APLNR: variants seen among roughly 807,000 people sequenced by gnomAD.
The protein encoded by APLNR is APJ (apelin) receptor.
Under a neutral mutation model 23.4 loss-of-function variants are expected in APLNR, and 13 were observed. That is an observed-to-expected ratio of 0.56 (90% CI 0.36 to 0.88). APLNR has a LOEUF of 0.88. APLNR is among the 40% of genes least tolerant of loss of function. The pLI is 0.01. For synonymous variants in APLNR, 234 were observed against 211.9 expected (o/e 1.10, Z -0.91); for missense variants, 480 against 517.1 (o/e 0.93, Z 0.70).
chr11:57,235,478 A>T lies in APLNR; in HGVS notation c.*384T>A, dbSNP rs1854995713. ...GCAGCTGCAGAGAGTGGTGGGGGAA[A>T]AACTACAAGGAAAGAAGGGAGGAAA... is the stretch of plus-strand genomic sequence containing the variant. On this transcript the variant is annotated 3_prime_UTR_variant, in exon 1 of 1. Transcript: ENST00000606794. 1 of 168,048 alleles carries T rather than the reference A, an allele frequency of 6.0e-6. No individual in the cohort carries two copies. The highest frequency in any genetic ancestry group is 1.3e-5 in the Non-Finnish European group (1 of 79,098). 10.4% of individuals were successfully genotyped at this position (168,048 alleles called of 1,614,324 possible).
rs752254107 is a variant in APLNR, at chr11:57,236,641, C to T, written c.364G>A (p.Gly122Ser). 7.5e-6 allele frequency: 12 copies of T among 1,608,108 alleles called. No homozygotes were observed. Among genetic ancestry groups the T allele is most frequent in the Admixed American group, 3.4e-5 (2 of 59,466 alleles). ...GCCAGGTAGCGGTCGAAGCTGAGGC[C>T]GGTGAGGCAGAAGACGCTGGCGTAC... is the stretch of plus-strand genomic sequence containing the variant. ...NMYASVFCLT[G>S]LSFDRYLAIV... is the part of the protein sequence containing the mutation. Residue 122 changes from glycine (G) to serine (S), a missense_variant, in exon 1 of 1, where the codon GGC becomes AGC. By Grantham distance (56) the Gly-to-Ser change is moderately conservative. Transcript: ENST00000606794.
chr11:57,235,997 G>C lies in APLNR; in HGVS notation c.1008C>G (p.His336Gln). 6.2e-7 allele frequency: 1 copy of C among 1,614,280 alleles called. No individual in the cohort carries two copies. Among genetic ancestry groups the C allele is most frequent in the South Asian group, 1.1e-5 (1 of 91,092 alleles). ...TGGCTGACTTCTCCCCACTGCTGCT[G>C]TGGGAGGTGCCTGCGCACCTGCTCT... ...CGQSRCAGTS[H>Q]SSSGEKSASY... The change falls in exon 1 of 1, where the codon CAC becomes CAG. Residue 336 changes from histidine to glutamine, a missense_variant. His to Gln is a conservative substitution (Grantham distance 24). Transcript: ENST00000606794.
At position 57,236,880 on chromosome 11, in the gene APLNR, C is replaced by T; in HGVS notation, c.125G>A (p.Gly42Asp). 1.2e-6 allele frequency: 2 copies of T among 1,614,192 alleles called. No individual in the cohort carries two copies. Among genetic ancestry groups the T allele is most frequent in the Non-Finnish European group, 1.7e-6 (2 of 1,180,024 alleles). Residue 42 changes from glycine to aspartate, a missense_variant, in exon 1 of 1, where the codon GGC (glycine) becomes GAC (aspartate). Coordinates refer to ENST00000606794, the MANE Select transcript of APLNR (RefSeq NM_005161.6). The stretch of plus-strand genomic sequence containing the variant: ...GAGCACCAGACCGTTGCCCGTGGTG[C>T]CCAGGAGGAAGACCAACATGTAGAT... ...PAIYMLVFLL[G>D]TTGNGLVLWT...
Position 57,237,085 on chromosome 11 carries a change from T to A in APLNR, c.-81A>T. On this transcript the variant is annotated 5_prime_UTR_variant, in exon 1 of 1. Coordinates refer to ENST00000606794, the MANE Select transcript of APLNR (RefSeq NM_005161.6). ...TCTGTCACCCACTCTGCAAGCAGCC[T>A]GAATTTCTGGCTTGAGCCTCAGAGA... The A allele has an allele frequency of 7.0e-7, 1 of 1,427,944 alleles. No individual in the cohort carries two copies. The highest frequency in any genetic ancestry group is 9.5e-7 in the Non-Finnish European group (1 of 1,057,932). 88.5% of individuals were successfully genotyped at this position (1,427,944 alleles called of 1,614,324 possible).
rs376524097 is a variant in APLNR at position 57,235,943 on chromosome 11, G to A, written c.1062C>T (p.Pro354=). The change falls in exon 1 of 1, where the codon CCC becomes CCT. Residue 354 remains proline, a synonymous_variant. Transcript: ENST00000606794. ...CTCCACCCTTGCCCATGTTGGGGCC[G>A]GGCCCCTGGCTGTGCCCCGAAGAGT... is the stretch of plus-strand genomic sequence containing the variant. ...ASYSSGHSQG[P]GPNMGKGGEQ... 1.4e-4 allele frequency: 219 copies of A among 1,614,134 alleles called. No individual in the cohort carries two copies. The highest frequency in any genetic ancestry group is 1.8e-4 in the Non-Finnish European group (209 of 1,180,044).
chr11:57,236,010 G>C lies in APLNR; in HGVS notation c.995C>G (p.Ala332Gly). 1 of 1,614,272 alleles carries C rather than the reference G, an allele frequency of 6.2e-7. No individual in the cohort carries two copies. Among genetic ancestry groups the C allele is most frequent in the South Asian group, 1.1e-5 (1 of 91,086 alleles). Residue 332 changes from alanine to glycine, a missense_variant, in exon 1 of 1, where the codon GCA (alanine) becomes GGA (glycine). By Grantham distance (60) the Ala-to-Gly change is moderately conservative. Coordinates refer to ENST00000606794, the MANE Select transcript of APLNR (RefSeq NM_005161.6). The part of the protein sequence containing the change: ...SMLCCGQSRC[A>G]GTSHSSSGEK... Reference sequence around the variant, plus strand: ...CCCACTGCTGCTGTGGGAGGTGCCTGCGCACCTGCTCTGGCCACAGCAGAG... The same window carrying C: ...CCCACTGCTGCTGTGGGAGGTGCCTCCGCACCTGCTCTGGCCACAGCAGAG...
rs147023435 is a variant in APLNR, at chr11:57,235,836, C to T, written c.*26G>A. Reference sequence around the variant, plus strand: ...GGCAAAGGCCGGGGAGGGCCGAGGGCGCCAGGCTTCTCTCTGCTCCCAGCC... The same window carrying T: ...GGCAAAGGCCGGGGAGGGCCGAGGGTGCCAGGCTTCTCTCTGCTCCCAGCC... On this transcript the variant is annotated 3_prime_UTR_variant, in exon 1 of 1. Coordinates refer to ENST00000606794, the MANE Select transcript of APLNR (RefSeq NM_005161.6). The T allele has an allele frequency of 4.0e-4, 629 of 1,569,720 alleles. No homozygotes were observed. The African/African-American group carries it at 4.0e-3, about 10-fold the overall frequency.
rs1458114226 is a variant in APLNR at position 57,236,586 on chromosome 11, A to G, written c.419T>C (p.Leu140Pro). ...CACGGCCCCGCTGACCCGCAGCCTC[A>G]GCCGAGCATTGGCCACTGGCCTCAC... ...AIVRPVANARLRLRVSGAVAT... is the reference protein window; with the variant it reads ...AIVRPVANARPRLRVSGAVAT... The change falls in exon 1 of 1, where the codon CTG becomes CCG. Residue 140 changes from leucine to proline, a missense_variant. Leu to Pro is a moderately conservative substitution (Grantham distance 98). Coordinates refer to ENST00000606794, the MANE Select transcript of APLNR (RefSeq NM_005161.6). The G allele has an allele frequency of 6.2e-7, 1 of 1,612,804 alleles. No homozygotes were observed. Among genetic ancestry groups the G allele is most frequent in the South Asian group, 1.1e-5 (1 of 90,992 alleles).
rs1444986763 is a variant in APLNR, at chr11:57,235,477, A to AAAAC, written c.*381_*384dup. ...GGCAGCTGCAGAGAGTGGTGGGGGA[A>AAAAC]AAACTACAAGGAAAGAAGGGAGGAA... On this transcript the variant is annotated 3_prime_UTR_variant, in exon 1 of 1. Transcript: ENST00000606794. The AAAAC allele has an allele frequency of 6.0e-6, 1 of 167,408 alleles. No homozygotes were observed. Among genetic ancestry groups the AAAAC allele is most frequent in the Non-Finnish European group, 1.3e-5 (1 of 78,602 alleles). 10.4% of individuals were successfully genotyped at this position (167,408 alleles called of 1,614,324 possible). A position where few individuals can be genotyped will look rare whatever the true frequency, so the allele number is the denominator to read the frequency against.
rs574473639 is a variant in APLNR, at chr11:57,235,641, T to C, written c.*221A>G. ...GAAACTGAGGCTGAGTGAGATTAAA[T>C]GGCTTGTGCAGGGTCAGGTCTGTAG... On this transcript the variant is annotated 3_prime_UTR_variant, in exon 1 of 1. Transcript: ENST00000606794. 2.1e-3 allele frequency: 1,042 copies of C among 507,820 alleles called. 4 individuals carry two copies. The highest frequency in any genetic ancestry group is 2.4e-3 in the Non-Finnish European group (711 of 294,316). 31.5% of individuals were successfully genotyped at this position (507,820 alleles called of 1,614,324 possible).
In APLNR at chr11:57,236,459, GT is replaced by G; in HGVS notation, c.545del (p.Tyr182SerfsTer10). 2 of 1,614,226 alleles carry G rather than the reference GT, an allele frequency of 1.2e-6. No individual in the cohort carries two copies. The highest frequency in any genetic ancestry group is 1.7e-6 in the Non-Finnish European group (2 of 1,180,026). ...CAGTGGCCACCATGGAGTAGTCCATGTAGCACTGCACCTTAGTGGTGTTCTC... is the reference window on the plus strand; with the variant it reads ...CAGTGGCCACCATGGAGTAGTCCATGAGCACTGCACCTTAGTGGTGTTCTC... Reference protein sequence around the residue: ...DLENTTKVQCYMDYSMVATVS... With the variant: ...DLENTTKVQCXMDYSMVATVS... On this transcript the variant is annotated frameshift_variant, in exon 1 of 1. Transcript: ENST00000606794. LOFTEE classifies it high-confidence loss of function.
In APLNR at chr11:57,236,609, C is replaced by T. The variant is rs1040676482; in HGVS notation, c.396G>A (p.Val132=). The T allele has an allele frequency of 1.2e-6, 2 of 1,610,978 alleles. No individual in the cohort carries two copies. Among genetic ancestry groups the T allele is most frequent in the Non-Finnish European group, 1.7e-6 (2 of 1,179,254 alleles). The change falls in exon 1 of 1, where the codon GTG becomes GTA. Residue 132 remains valine, a synonymous_variant. Transcript: ENST00000606794. ...GLSFDRYLAI[V]RPVANARLRL... is the part of the protein sequence containing the mutation. ...TCAGCCGAGCATTGGCCACTGGCCT[C>T]ACGATGGCCAGGTAGCGGTCGAAGC... is the stretch of plus-strand genomic sequence containing the variant.
rs753649420 is a variant in APLNR at position 57,236,492 on chromosome 11, C to T, written c.513G>A (p.Gly171=). The T allele has an allele frequency of 1.4e-5, 22 of 1,614,238 alleles. No homozygotes were observed. The highest frequency in any genetic ancestry group is 2.2e-5 in the East Asian group (1 of 44,884). The change falls in exon 1 of 1, where the codon GGG becomes GGA. Residue 171 remains glycine, a synonymous_variant. Coordinates refer to ENST00000606794, the MANE Select transcript of APLNR (RefSeq NM_005161.6). ...GCACCTTAGTGGTGTTCTCCAAGTC[C>T]CCGGTGGTGCGTAACACCATGACAG... ...AMPVMVLRTT[G]DLENTTKVQC... is the part of the protein sequence containing the mutation.
Position 57,235,734 on chromosome 11 carries a change from G to C in APLNR, c.*128C>G, listed in dbSNP as rs558188721. On this transcript the variant is annotated 3_prime_UTR_variant, in exon 1 of 1. Transcript: ENST00000606794. ...ATAAAGCAGTAGAGGAGGACAGGGCGGGGCAGAATCAGGGGACAGTTAAAG... is the reference window on the plus strand; with the variant it reads ...ATAAAGCAGTAGAGGAGGACAGGGCCGGGCAGAATCAGGGGACAGTTAAAG... The C allele has an allele frequency of 4.5e-6, 5 of 1,102,106 alleles. No individual in the cohort carries two copies. The highest frequency in any genetic ancestry group is 6.4e-6 in the Non-Finnish European group (5 of 781,310). 68.3% of individuals were successfully genotyped at this position (1,102,106 alleles called of 1,614,324 possible). A position where few individuals can be genotyped will look rare whatever the true frequency, so the allele number is the denominator to read the frequency against.
Position 57,236,465 on chromosome 11 carries a change from C to T in APLNR, c.540G>A (p.Gln180=), listed in dbSNP as rs147862659. Residue 180 remains glutamine, a synonymous_variant, in exon 1 of 1, where the codon CAG becomes CAA. Transcript: ENST00000606794. ...CCACCATGGAGTAGTCCATGTAGCA[C>T]TGCACCTTAGTGGTGTTCTCCAAGT... ...TGDLENTTKV[Q]CYMDYSMVAT... 21 of 1,614,134 alleles carry T rather than the reference C, an allele frequency of 1.3e-5. No homozygotes were observed. The African/African-American group carries it at 2.1e-4, about 16-fold the overall frequency.
At position 57,235,831 on chromosome 11, in the gene APLNR, G is replaced by C. The variant is rs544882959; in HGVS notation, c.*31C>G. On this transcript the variant is annotated 3_prime_UTR_variant, in exon 1 of 1. Coordinates refer to ENST00000606794, the MANE Select transcript of APLNR (RefSeq NM_005161.6). ...GCAAGGGCAAAGGCCGGGGAGGGCCGAGGGCGCCAGGCTTCTCTCTGCTCC... is the reference window on the plus strand; with the variant it reads ...GCAAGGGCAAAGGCCGGGGAGGGCCCAGGGCGCCAGGCTTCTCTCTGCTCC... 1 of 1,564,696 alleles carries C rather than the reference G, an allele frequency of 6.4e-7. No individual in the cohort carries two copies. The highest frequency in any genetic ancestry group is 1.2e-5 in the South Asian group (1 of 81,620).
Position 57,236,936 on chromosome 11 carries a change from G to T in APLNR, c.69C>A (p.Asp23Glu). 1 of 1,613,708 alleles carries T rather than the reference G, an allele frequency of 6.2e-7. No homozygotes were observed. Among genetic ancestry groups the T allele is most frequent in the Non-Finnish European group, 8.5e-7 (1 of 1,179,894 alleles). ...ADNQSECEYT[D>E]WKSSGALIPA... The stretch of plus-strand genomic sequence containing the variant: ...GGATGAGGGCCCCCGAGGATTTCCA[G>T]TCTGTGTACTCACACTCAGACTGGT... The change falls in exon 1 of 1, where the codon GAC becomes GAA. Residue 23 changes from aspartate (D) to glutamate (E), a missense_variant. Asp to Glu is a conservative substitution (Grantham distance 45). Coordinates refer to ENST00000606794, the MANE Select transcript of APLNR (RefSeq NM_005161.6).
chr11:57,235,651 A>T lies in APLNR; in HGVS notation c.*211T>A. 1.8e-6 allele frequency: 1 copy of T among 548,248 alleles called. No individual in the cohort carries two copies. The highest frequency in any genetic ancestry group is 3.1e-6 in the Non-Finnish European group (1 of 319,914). 34.0% of individuals were successfully genotyped at this position (548,248 alleles called of 1,614,324 possible). On this transcript the variant is annotated 3_prime_UTR_variant, in exon 1 of 1. Coordinates refer to ENST00000606794, the MANE Select transcript of APLNR (RefSeq NM_005161.6). ...CTGAGTGAGATTAAATGGCTTGTGCAGGGTCAGGTCTGTAGAGCCCAGTCT... is the reference window on the plus strand; with the variant it reads ...CTGAGTGAGATTAAATGGCTTGTGCTGGGTCAGGTCTGTAGAGCCCAGTCT...
In APLNR at chr11:57,235,882, C is replaced by T; in HGVS notation, c.1123G>A (p.Glu375Lys). 6.2e-7 allele frequency: 1 copy of T among 1,610,540 alleles called. No homozygotes were observed. The highest frequency in any genetic ancestry group is 8.5e-7 in the Non-Finnish European group (1 of 1,178,078). ...CAGCCCTAGTCAACCACAAGGGTCT[C>T]CTGGCTGTAGGGGATGGATTTCTCG... ...MHEKSIPYSQ[E>K]TLVVD is the part of the protein sequence containing the mutation. The change falls in exon 1 of 1, where the codon GAG becomes AAG. Residue 375 changes from glutamate (E) to lysine (K), a missense_variant. Glu to Lys is a moderately conservative substitution (Grantham distance 56). Coordinates refer to ENST00000606794, the MANE Select transcript of APLNR (RefSeq NM_005161.6).
Sources: gnomAD v4.1 joint callset for allele counts on GRCh38, gnomAD v4.1.1 for gene constraint, MANE v1.5 for transcripts, NCBI Gene and HGNC (gene_info 2026-07-23, HGNC 2026-07-21) for gene names.